ATF6: variants seen among roughly 807,000 people sequenced by gnomAD.
The protein encoded by ATF6 is cyclic AMP-dependent transcription factor ATF-6 alpha.
A neutral mutation model predicts 83.6 loss-of-function variants in ATF6; 53 were observed. That is an observed-to-expected ratio of 0.63 (90% CI 0.51 to 0.80). ATF6 has a LOEUF of 0.80. Ranked by LOEUF, ATF6 falls within the 30% of genes least tolerant of loss-of-function variation. The pLI is 0.00. For missense variants in ATF6, 744 were observed against 797.9 expected (o/e 0.93, Z 0.81); for synonymous variants, 288 against 285.8 (o/e 1.01, Z -0.08).
intron 6 of ATF6, among the ~76,000 whole-genome samples, chr1:161,797,834 G>A (rs1467855089): frequency 6.6e-6 from 1 of 152,118 alleles, no homozygotes; most frequent in African/African-American, 2.4e-5. Context: ...AAGTTCACAT[G>A]GAACTGAAAA....
intron 9 of ATF6, among the ~76,000 whole-genome samples, chr1:161,837,736 A>G (rs748853720): frequency 1.3e-5 from 2 of 152,038 alleles, no homozygotes; most frequent in Non-Finnish European, 1.5e-5. Flanking sequence ...TAGGTTGGCT[A>G]TGGGTTGATA....
chr1:161,952,667 T>TTA (rs57269872), intron 15 of ATF6, among the ~76,000 whole-genome samples: 13,414 of 151,848 alleles, frequency 0.088, 1,242 homozygotes, highest in East Asian at 0.32. Context: ...TGTTCAGGCA[T>TTA]TATATATATA....
chr1:161,769,195 A>G (rs565851400), intron 1 of ATF6, among the ~76,000 whole-genome samples: 2 of 152,330 alleles, frequency 1.3e-5, no homozygotes, highest in African/African-American at 2.4e-5. Flanking sequence ...CTGTGTTTCT[A>G]TAAAGCTTTA....
chr1:161,877,650 C>G (rs1420309348), intron 14 of ATF6, among the ~76,000 whole-genome samples: 1 of 152,074 alleles, frequency 6.6e-6, no homozygotes, highest in Non-Finnish European at 1.5e-5. Context: ...GGGATTTAAG[C>G]AGCAGAATAA....
intron 14 of ATF6, among the ~76,000 whole-genome samples, chr1:161,872,690 A>G (rs1440503665): frequency 6.6e-6 from 1 of 151,562 alleles, no homozygotes; most frequent in Non-Finnish European, 1.5e-5. Context: ...AAAGAAACTC[A>G]TTTGTCTTGT....
chr1:161,904,030 A>G (rs1687839863), intron 14 of ATF6, among the ~76,000 whole-genome samples: 2 of 152,300 alleles, frequency 1.3e-5, no homozygotes, highest in South Asian at 4.1e-4. Flanking sequence ...ATCTTTTGTT[A>G]AGAACTTCTG....
intron 2 of ATF6, 61 bp downstream of exon 2, chr1:161,778,381 A>C (rs1684568581): frequency 7.3e-7 from 1 of 1,363,026 alleles, no homozygotes; most frequent in African/African-American, 1.4e-5. Flanking sequence ...TTATTGCAAG[A>C]AAGTTTCAGG....
intron 15 of ATF6, among the ~76,000 whole-genome samples, chr1:161,916,124 T>A (rs920525272): frequency 6.6e-6 from 1 of 152,178 alleles, no homozygotes; most frequent in African/African-American, 2.4e-5. Flanking sequence ...GCCCTTCCAC[T>A]CCACTGAAAT....
At chr1:161,870,537 T>C (rs1206750366) in intron 14 of ATF6, among the ~76,000 whole-genome samples, 1 of 151,776 alleles carries the variant, frequency 6.6e-6, no homozygotes, top group Non-Finnish European at 1.5e-5. Context: ...TGTAAATACA[T>C]TTTATTATGG....
In ATF6 at chr1:161,868,379, G is replaced by GT. The variant is rs200196957; in HGVS notation, c.1719+5075dup. Among the ~76,000 whole-genome samples, 62 of 151,976 alleles carry GT rather than the reference G, an allele frequency of 4.1e-4. 1 individual carries two copies. The East Asian group carries it at 6.2e-3, about 15-fold the overall frequency. ...CATAAACTACTATACCACACAGCCT[G>GT]TTTTTTTTAATTATTATTCTTTTTT... On this transcript the variant is annotated intron_variant, in intron 14 of 15. Transcript: ENST00000367942.
chr1:161,842,678 A>G (rs1014372547), intron 9 of ATF6, among the ~76,000 whole-genome samples: 3 of 152,194 alleles, frequency 2.0e-5, no homozygotes, highest in African/African-American at 4.8e-5. Flanking sequence ...AGGTGCACCA[A>G]AATATCACAG....
intron 15 of ATF6, among the ~76,000 whole-genome samples, chr1:161,930,403 AT>A (rs1433642388): frequency 4.6e-5 from 7 of 152,150 alleles, no homozygotes; most frequent in Non-Finnish European, 7.4e-5. Context: ...TCAGTGATCT[AT>A]TTTTTAGATT....
chr1:161,778,177 CA>C (rs1354130561), intron 1 of ATF6, 66 bp from the exon 2 acceptor site: 1 of 1,300,648 alleles, frequency 7.7e-7, no homozygotes, highest in Non-Finnish European at 1.1e-6. Context: ...CATAGGGACA[CA>C]GTGCTTGTTT....
intron 9 of ATF6, among the ~76,000 whole-genome samples, chr1:161,845,224 C>T (rs1159386083): frequency 6.6e-6 from 1 of 152,182 alleles, no homozygotes; most frequent in Non-Finnish European, 1.5e-5. Context: ...AGACAAACTA[C>T]TATTATCTCA....
At chr1:161,915,049 C>T (rs1198651573) in intron 15 of ATF6, among the ~76,000 whole-genome samples, 1 of 152,148 alleles carries the variant, frequency 6.6e-6, no homozygotes, top group Non-Finnish European at 1.5e-5. Flanking sequence ...GAATTTCTCA[C>T]CTTCTCTTGT....
intron 15 of ATF6, among the ~76,000 whole-genome samples, chr1:161,927,475 A>G (rs904007205): frequency 6.6e-6 from 1 of 152,118 alleles, no homozygotes; most frequent in Non-Finnish European, 1.5e-5. Context: ...GGCCAAGAAC[A>G]TTGTCTGAGG....
Position 161,948,524 on chromosome 1 carries a change from AT to A in ATF6, c.1805-9921del, listed in dbSNP as rs531345168. ...GTCTCTTAAGCAAGACTTTAAAAAA[AT>A]CCTACTGTTGTCCCCACCTTTATTT... On this transcript the variant is annotated intron_variant, in intron 15 of 15. Coordinates refer to ENST00000367942, the MANE Select transcript of ATF6 (RefSeq NM_007348.4). Among the ~76,000 whole-genome samples the A allele has an allele frequency of 2.6e-3, 401 of 152,352 alleles. 1 individual carries two copies. The highest frequency in any genetic ancestry group is 9.1e-3 in the African/African-American group (379 of 41,586).
In ATF6 at chr1:161,963,214, G is replaced by A. The variant is rs1689137172; in HGVS notation, c.*4560G>A. 1 of 152,182 alleles carries A rather than the reference G, an allele frequency of 6.6e-6. No individual in the cohort carries two copies. Among genetic ancestry groups the A allele is most frequent in the Admixed American group, 6.5e-5 (1 of 15,282 alleles). 9.4% of individuals were successfully genotyped at this position (152,182 alleles called of 1,614,324 possible). A position where few individuals can be genotyped will look rare whatever the true frequency, so the allele number is the denominator to read the frequency against. ...TGTGTTCTGTTCTTATCTTTTTAAT[G>A]ACTAAGCTTTAAACAGTTTATTTTG... On this transcript the variant is annotated 3_prime_UTR_variant, in exon 16 of 16. Transcript: ENST00000367942.
At chr1:161,913,419 G>A (rs1428461162) in intron 15 of ATF6, among the ~76,000 whole-genome samples, 2 of 152,128 alleles carry the variant, frequency 1.3e-5, no homozygotes, top group Non-Finnish European at 2.9e-5. Context: ...GGGAAAAGTG[G>A]TATTCATCAT....
Sources: allele counts gnomAD v4.1 joint callset (sites outside exome capture counted in the v4.1 genomes callset), GRCh38; gene constraint gnomAD v4.1.1; transcripts MANE v1.5; gene names NCBI Gene and HGNC (gene_info 2026-07-23, HGNC 2026-07-21).